DDX46: variants seen among roughly 807,000 people sequenced by gnomAD.
DDX46 encodes DEAD-box helicase 46.
DDX46 carries 30 observed loss-of-function variants against 134.9 expected under a neutral mutation model. The ratio of observed to expected loss-of-function variants is 0.22; its 90% CI spans 0.17 to 0.30. DDX46 has a LOEUF of 0.30. Ranked by LOEUF, DDX46 falls within the 10% of genes least tolerant of loss-of-function variation. The probability of loss-of-function intolerance (pLI) is 1.00; values close to 1 mark genes in which losing one functional copy is unlikely to be tolerated. For missense variants in DDX46, 622 were observed against 1,248.7 expected (o/e 0.50, Z 7.56); for synonymous variants, 415 against 404.1 (o/e 1.03, Z -0.32).
Position 134,758,797 on chromosome 5 carries a change from C to T in DDX46, c.-142C>T. ...GCACGTCCTGTTTTCGTTGGCCGCGCTGGGATGGCCGCCACAGCTGTAGGT... is the reference window on the plus strand; with the variant it reads ...GCACGTCCTGTTTTCGTTGGCCGCGTTGGGATGGCCGCCACAGCTGTAGGT... On this transcript the variant is annotated 5_prime_UTR_variant, in exon 1 of 23. Transcript: ENST00000452510. 7.4e-7 allele frequency: 1 copy of T among 1,355,170 alleles called. No individual in the cohort carries two copies. Among genetic ancestry groups the T allele is most frequent in the Non-Finnish European group, 1.0e-6 (1 of 969,054 alleles). The allele number at this position is 1,355,170 out of a possible 1,614,324, so 83.9% of individuals were successfully genotyped here.
intron 6 of DDX46, among the ~76,000 whole-genome samples, chr5:134,780,130 GTGTGTGTGTA>G (rs1387605767): frequency 9.5e-5 from 14 of 147,356 alleles, no homozygotes; most frequent in South Asian, 2.1e-4. Context: ...GTGTGTGTGT[GTGTGTGTGTA>G]TATGTATATA....
At position 134,811,851 on chromosome 5, in the gene DDX46, T is replaced by C. The variant is rs756724394; in HGVS notation, c.2436+6T>C. ...ATGAGGATGCTGCAGTTGATGTAAG[T>C]ACTATTATTCTCTCATTCTTAATTG... On this transcript the variant is annotated splice_donor_region_variant and intron_variant, in intron 18 of 22. Transcript: ENST00000452510. The C allele has an allele frequency of 2.4e-5, 38 of 1,606,268 alleles. No homozygotes were observed. Among genetic ancestry groups the C allele is most frequent in the Non-Finnish European group, 3.1e-5 (36 of 1,178,116 alleles).
rs777209388 is a variant in DDX46, at chr5:134,785,502, G to A, written c.1380G>A (p.Gln460=). The A allele has an allele frequency of 6.2e-6, 10 of 1,613,774 alleles. No homozygotes were observed. Among genetic ancestry groups the A allele is most frequent in the Non-Finnish European group, 7.6e-6 (9 of 1,179,864 alleles). ...CTCCAACTCGAGAACTGGCTTTACA[G>A]ATTACTAAAGAGTGTAAGAAGTTTT... ...IMTPTRELAL[Q]ITKECKKFSK... Residue 460 remains glutamine (Q), a synonymous_variant, in exon 11 of 23, where the codon CAG becomes CAA. Transcript: ENST00000452510.
Position 134,788,581 on chromosome 5 carries a change from C to CG in DDX46, c.1534dup (p.Ala512GlyfsTer2). 1 of 1,613,516 alleles carries CG rather than the reference C, an allele frequency of 6.2e-7. No individual in the cohort carries two copies. The highest frequency in any genetic ancestry group is 8.5e-7 in the Non-Finnish European group (1 of 1,179,612). On this transcript the variant is annotated frameshift_variant, in exon 12 of 23. Transcript: ENST00000452510. LOFTEE classifies it high-confidence loss of function. ...CTGGTCGAATGATTGACATGTTAGCCGCTAACAGTGGTAAGTCAGGGGTAT... is the reference window on the plus strand; with the variant it reads ...CTGGTCGAATGATTGACATGTTAGCCGGCTAACAGTGGTAAGTCAGGGGTAT...
intron 6 of DDX46, among the ~76,000 whole-genome samples, chr5:134,779,276 C>CT (rs1754055687): frequency 6.6e-6 from 1 of 151,704 alleles, no homozygotes; most frequent in Admixed American, 6.6e-5. Context: ...TCACTGCACC[C>CT]TGTGCCTCCC....
In DDX46 at chr5:134,816,449, G is replaced by A. The variant is rs1236455078; in HGVS notation, c.2456G>A (p.Ser819Asn). Residue 819 changes from serine to asparagine, a missense_variant, in exon 19 of 23, where the codon AGC becomes AAC. Ser to Asn is a conservative substitution (Grantham distance 46, BLOSUM62 1). This residue lies in a region of DDX46 where 3 missense variants were observed against 17.0 expected (regional missense o/e 0.18). Transcript: ENST00000452510. ...ATCTAGATTGATGAGCAAATTGAAA[G>A]CATGTTTAATTCAAAGAAGAGAGTA... ...AAVDIDEQIE[S>N]MFNSKKRVKD... The A allele has an allele frequency of 1.9e-6, 3 of 1,601,944 alleles. No homozygotes were observed. Among genetic ancestry groups the A allele is most frequent in the Admixed American group, 1.7e-5 (1 of 57,872 alleles).
chr5:134,795,903 TC>T, intron 14 of DDX46, 84 bp from the exon 15 acceptor site: 1 of 1,216,226 alleles, frequency 8.2e-7, no homozygotes, highest in Non-Finnish European at 1.2e-6. Context: ...TGTCATTCAT[TC>T]ACTACAAATA....
intron 5 of DDX46, among the ~76,000 whole-genome samples, chr5:134,775,431 CT>C (rs562396875): frequency 1.5e-4 from 23 of 148,878 alleles, no homozygotes; most frequent in African/African-American, 3.0e-4. Flanking sequence ...GTCATGATGT[CT>C]TTTTTTTTTC....
intron 2 of DDX46, among the ~76,000 whole-genome samples, chr5:134,766,060 C>T (rs1010048350): frequency 1.3e-5 from 2 of 152,116 alleles, no homozygotes; most frequent in African/African-American, 4.8e-5. Context: ...TGACCTTCAT[C>T]ATGTCATTAG....
At chr5:134,794,457 A>C (rs781289720) in intron 13 of DDX46, among the ~76,000 whole-genome samples, 1 of 152,166 alleles carries the variant, frequency 6.6e-6, no homozygotes, top group Non-Finnish European at 1.5e-5. Context: ...TGTTCTGCCA[A>C]CTTCCCAGAA....
In DDX46 at chr5:134,784,281, T is replaced by C. The variant is rs558077031; in HGVS notation, c.1167-85T>C. On this transcript the variant is annotated intron_variant, in intron 9 of 22. Transcript: ENST00000452510. ...TATGATATATACCACCTTTTGGAAG[T>C]TCATTTTTATGGGAACACATAGGAC... 48 of 1,429,366 alleles carry C rather than the reference T, an allele frequency of 3.4e-5. No individual in the cohort carries two copies. The South Asian group carries it at 6.7e-4, about 20-fold the overall frequency. The allele number at this position is 1,429,366 out of a possible 1,614,324, so 88.5% of individuals were successfully genotyped here.
Position 134,830,149 on chromosome 5 carries a change from C to A in DDX46, c.*1443C>A. On this transcript the variant is annotated 3_prime_UTR_variant, in exon 23 of 23. Transcript: ENST00000452510. Reference sequence around the variant, plus strand: ...AAGGGTTTCAAACCCACAGATTAAACCAACCACAGATCAAAAATAGAAAAA... The same window carrying A: ...AAGGGTTTCAAACCCACAGATTAAAACAACCACAGATCAAAAATAGAAAAA... 1 of 140,290 alleles carries A rather than the reference C, an allele frequency of 7.1e-6. No homozygotes were observed. 8.7% of individuals were successfully genotyped at this position (140,290 alleles called of 1,614,324 possible).
At chr5:134,795,900 C>T in intron 14 of DDX46, 88 bp from the exon 15 acceptor site, 1 of 1,162,382 alleles carries the variant, frequency 8.6e-7, no homozygotes, top group Middle Eastern at 2.2e-4. Flanking sequence ...TATTGTCATT[C>T]ATTCACTACA....
chr5:134,765,419 G>A (rs1003904569), intron 2 of DDX46, among the ~76,000 whole-genome samples: 20 of 151,564 alleles, frequency 1.3e-4, no homozygotes, highest in Non-Finnish European at 1.5e-5. Flanking sequence ...CAGGTGTGGT[G>A]GTGCATGCCT....
At chr5:134,765,056 C>CT (rs61601059) in intron 2 of DDX46, among the ~76,000 whole-genome samples, 2,805 of 141,244 alleles carry the variant, frequency 0.02, 37 homozygotes, top group African/African-American at 0.049. Context: ...GCGCCTTAAT[C>CT]TTTTTTTTTT....
At chr5:134,825,429 G>A (rs538209310) in intron 21 of DDX46, among the ~76,000 whole-genome samples, 1 of 151,904 alleles carries the variant, frequency 6.6e-6, no homozygotes, top group Non-Finnish European at 1.5e-5. Flanking sequence ...TTCCTGTTGT[G>A]CAACTGTTTC....
chr5:134,816,405 A>C (rs761410719), intron 18 of DDX46, 25 bp from the exon 19 acceptor site: 3 of 1,557,250 alleles, frequency 1.9e-6, no homozygotes, highest in Non-Finnish European at 2.6e-6. Flanking sequence ...GTTTTTTACT[A>C]GTCCTTTTTT....
intron 3 of DDX46, among the ~76,000 whole-genome samples, chr5:134,769,096 C>G (rs1042708478): frequency 2.0e-5 from 3 of 152,042 alleles, no homozygotes; most frequent in African/African-American, 7.2e-5. Context: ...TTAGAACATT[C>G]GAAATGCATG....
In DDX46 at chr5:134,777,391, A is replaced by G. The variant is rs116732768; in HGVS notation, c.614-183A>G. ...CATTGTTAATATTCAGAAGTAATAC[A>G]TGCTTCATGTAAAAATGGAAAAACC... On this transcript the variant is annotated intron_variant, in intron 5 of 22. Coordinates refer to ENST00000452510, the MANE Select transcript of DDX46 (RefSeq NM_001300860.2). Among the ~76,000 whole-genome samples, 838 of 152,356 alleles carry G rather than the reference A, an allele frequency of 5.5e-3. 4 individuals carry two copies. Among genetic ancestry groups the G allele is most frequent in the Middle Eastern group, 0.041 (12 of 294 alleles).
Sources: allele counts gnomAD v4.1 joint callset (sites outside exome capture counted in the v4.1 genomes callset), GRCh38; gene constraint gnomAD v4.1.1; regional missense constraint gnomAD v4.1.1; transcripts MANE v1.5; gene names NCBI Gene and HGNC (gene_info 2026-07-23, HGNC 2026-07-21).